FIRRM: variants seen among roughly 807,000 people sequenced by gnomAD.
FIRRM encodes the protein FIGNL1-interacting regulator of recombination and mitosis.
At chr1:169,787,856 T>C in the FIRRM span, among the ~76,000 whole-genome samples, 2 of 149,672 alleles carry the variant, frequency 1.3e-5, no homozygotes, top group Non-Finnish European at 3.0e-5. Context: ...GTATGTTACA[T>C]GTGATGTATG....
the FIRRM span, chr1:169,808,005 C>A: frequency 7.4e-7 from 1 of 1,353,268 alleles, no homozygotes; most frequent in Non-Finnish European, 1.0e-6. Flanking sequence ...ATTTGAATGT[C>A]TGGGTCAGTC....
the FIRRM span, among the ~76,000 whole-genome samples, chr1:169,812,129 A>C: frequency 6.6e-6 from 1 of 152,230 alleles, no homozygotes; most frequent in Non-Finnish European, 1.5e-5. Flanking sequence ...ATAAAACTCT[A>C]GGTTTAATTA....
At chr1:169,796,857 A>G in the FIRRM span, among the ~76,000 whole-genome samples, 1 of 152,170 alleles carries the variant, frequency 6.6e-6, no homozygotes, top group Non-Finnish European at 1.5e-5. Flanking sequence ...TTGTTCTCTC[A>G]GCCTTTTGCA....
the FIRRM span, among the ~76,000 whole-genome samples, chr1:169,811,698 T>A: frequency 6.2e-5 from 7 of 113,668 alleles, no homozygotes; most frequent in African/African-American, 1.9e-4. Flanking sequence ...ATAGACAGAT[T>A]ATCTAAATAG....
chr1:169,850,365 C>A, the FIRRM span: 2 of 1,506,234 alleles, frequency 1.3e-6, no homozygotes, highest in South Asian at 1.2e-5. Context: ...TTACATGGCT[C>A]ATGTTTTATT....
At chr1:169,829,282 G>T in the FIRRM span, 10 of 1,582,300 alleles carry the variant, frequency 6.3e-6, no homozygotes, top group African/African-American at 1.4e-5. Context: ...ACTCAAAGCC[G>T]TTTTCTACAG....
At chr1:169,852,653 G>A in the FIRRM span, 1 of 815,630 alleles carries the variant, frequency 1.2e-6, no homozygotes, top group South Asian at 1.8e-5. Context: ...ACTGTGTAGG[G>A]GTTTTGGGGT....
At chr1:169,831,417 T>C in the FIRRM span, among the ~76,000 whole-genome samples, 1 of 152,190 alleles carries the variant, frequency 6.6e-6, no homozygotes, top group Non-Finnish European at 1.5e-5. Context: ...TTGTATCATA[T>C]ATTTCTTGGT....
chr1:169,826,073 CT>C, the FIRRM span: 196,487 of 320,602 alleles, frequency 0.61, 61,648 homozygotes, highest in Middle Eastern at 0.76. Context: ...TTTAAAACAA[CT>C]TTTTTTTTCT....
the FIRRM span, chr1:169,798,758 T>G: frequency 1.2e-4 from 43 of 366,988 alleles, no homozygotes; most frequent in African/African-American, 7.1e-4. Flanking sequence ...TAATAAATCT[T>G]AAGTTTTTAA....
At chr1:169,822,127 C>T in the FIRRM span, among the ~76,000 whole-genome samples, 10 of 152,134 alleles carry the variant, frequency 6.6e-5, no homozygotes, top group South Asian at 2.1e-4. Flanking sequence ...AGATGGGTAA[C>T]AACTACCCGT....
chr1:169,844,149 AAGAT>A, the FIRRM span, among the ~76,000 whole-genome samples: 2 of 152,254 alleles, frequency 1.3e-5, no homozygotes, highest in Admixed American at 6.5e-5. Flanking sequence ...TGTGTATTAA[AAGAT>A]AGCACCTATT....
the FIRRM span, among the ~76,000 whole-genome samples, chr1:169,825,072 A>G: frequency 9.9e-5 from 15 of 152,284 alleles, no homozygotes; most frequent in African/African-American, 2.6e-4. Flanking sequence ...TGTTCTGTCA[A>G]TGTTACCTTC....
the FIRRM span, among the ~76,000 whole-genome samples, chr1:169,827,362 G>A: frequency 2.6e-5 from 4 of 152,058 alleles, no homozygotes; most frequent in African/African-American, 4.8e-5. Context: ...ACCTGGCTGG[G>A]CACAGTGAAT....
the FIRRM span, among the ~76,000 whole-genome samples, chr1:169,835,445 A>G: frequency 6.6e-6 from 1 of 152,218 alleles, no homozygotes; most frequent in African/African-American, 2.4e-5. Context: ...AATATGCCTT[A>G]TCTAAGCACA....
the FIRRM span, chr1:169,853,332 A>AGCTT: frequency 6.0e-6 from 2 of 332,472 alleles, no homozygotes; most frequent in Non-Finnish European, 1.1e-5. Context: ...TTCATAATAG[A>AGCTT]GCTTACTCTT....
the FIRRM span, among the ~76,000 whole-genome samples, chr1:169,825,512 T>G: frequency 5.9e-5 from 9 of 152,252 alleles, no homozygotes; most frequent in African/African-American, 1.9e-4. Flanking sequence ...AGGCACTTAG[T>G]AAACATATGT....
the FIRRM span, among the ~76,000 whole-genome samples, chr1:169,838,522 C>T: frequency 1.3e-5 from 2 of 151,852 alleles, no homozygotes; most frequent in Non-Finnish European, 2.9e-5. Flanking sequence ...TGGAGTCTCG[C>T]TCTGTTGCCC....
the FIRRM span, among the ~76,000 whole-genome samples, chr1:169,828,150 A>G: frequency 6.6e-6 from 1 of 152,224 alleles, no homozygotes; most frequent in African/African-American, 2.4e-5. Context: ...AGCTCTGATA[A>G]ATAGAACACT....
Sources: allele counts gnomAD v4.1 joint callset (sites outside exome capture counted in the v4.1 genomes callset), GRCh38; gene constraint gnomAD v4.1.1; transcripts MANE v1.5; gene names NCBI Gene and HGNC (gene_info 2026-07-23, HGNC 2026-07-21).